The following LMNTD1 variants were observed in gnomAD, a reference collection of about 807,000 sequenced individuals.
LMNTD1 encodes lamin tail domain-containing protein 1.
Under a neutral mutation model 50.9 loss-of-function variants are expected in LMNTD1, and 35 were observed. The observed-to-expected ratio is 0.69, with a 90% CI of 0.53 to 0.91. The LOEUF (loss-of-function observed/expected upper bound fraction) is 0.91. LMNTD1 is among the 40% of genes least tolerant of loss of function. The pLI is 0.00. For synonymous variants in LMNTD1, 153 were observed against 161.9 expected (o/e 0.94, Z 0.42); for missense variants, 470 against 475.5 (o/e 0.99, Z 0.11).
intron 1 of LMNTD1, among the ~76,000 whole-genome samples, chr12:25,592,005 C>G (rs1314216336): frequency 1.3e-5 from 2 of 152,146 alleles, no homozygotes; most frequent in African/African-American, 4.8e-5. Context: ...GTGGTGCCTT[C>G]TAAAGCAGAT....
intron 1 of LMNTD1, among the ~76,000 whole-genome samples, chr12:25,616,307 G>T (rs1261971454): frequency 6.6e-6 from 1 of 152,042 alleles, no homozygotes; most frequent in Non-Finnish European, 1.5e-5. Flanking sequence ...GCTAAGCTTT[G>T]TATCATTTAA....
At chr12:25,619,486 G>C (rs1946428678) in intron 1 of LMNTD1, among the ~76,000 whole-genome samples, 1 of 152,102 alleles carries the variant, frequency 6.6e-6, no homozygotes, top group Non-Finnish European at 1.5e-5. Context: ...TTTGCCTTTT[G>C]TAATCAGTTC....
intron 1 of LMNTD1, among the ~76,000 whole-genome samples, chr12:25,589,359 T>G (rs1232018729): frequency 6.6e-6 from 1 of 152,180 alleles, no homozygotes; most frequent in Non-Finnish European, 1.5e-5. Context: ...CACACATATA[T>G]GCACGTTAGG....
chr12:25,535,680 G>A (rs532596143), intron 4 of LMNTD1, among the ~76,000 whole-genome samples: 1 of 151,802 alleles, frequency 6.6e-6, no homozygotes, highest in African/African-American at 2.4e-5. Context: ...GAAAAACTGG[G>A]ACAAAGAAAA....
intron 1 of LMNTD1, among the ~76,000 whole-genome samples, chr12:25,612,700 A>G (rs1166771108): frequency 6.6e-6 from 1 of 151,800 alleles, no homozygotes; most frequent in East Asian, 1.9e-4. Context: ...AGCTGGAATG[A>G]CTTTATATAT....
At chr12:25,575,311 G>A (rs1783075648) in intron 1 of LMNTD1, among the ~76,000 whole-genome samples, 1 of 152,156 alleles carries the variant, frequency 6.6e-6, no homozygotes, top group Non-Finnish European at 1.5e-5. Flanking sequence ...ACATCAGCAT[G>A]AGGTCTGAAT....
At chr12:25,488,385 A>T (rs1486879056) in intron 9 of LMNTD1, among the ~76,000 whole-genome samples, 1 of 121,264 alleles carries the variant, frequency 8.2e-6, no homozygotes, top group African/African-American at 3.2e-5. Context: ...CATTCATTTC[A>T]TCTTCCATTG....
rs1052569079 is a variant in LMNTD1, at chr12:25,586,226, G to A, written c.59-39672C>T. On this transcript the variant is annotated intron_variant, in intron 1 of 7. Transcript: ENST00000445693. Reference sequence around the variant, plus strand: ...TTTCCCCTTCCGTTTGTTTTATGTTGAAAATTCCCCATGATGATACCTCTA... The same window carrying A: ...TTTCCCCTTCCGTTTGTTTTATGTTAAAAATTCCCCATGATGATACCTCTA... The A allele has an allele frequency of 8.7e-5, 13 of 149,918 alleles. 1 individual carries two copies. Among genetic ancestry groups the A allele is most frequent in the South Asian group, 4.2e-4 (2 of 4,730 alleles). The allele number at this position is 149,918 out of a possible 1,614,324, so 9.3% of individuals were successfully genotyped here.
At chr12:25,561,110 T>G (rs535530450) in intron 1 of LMNTD1, among the ~76,000 whole-genome samples, 44 of 152,304 alleles carry the variant, frequency 2.9e-4, no homozygotes, top group Middle Eastern at 3.4e-3. Flanking sequence ...GATTCATTGA[T>G]TTTTTGAAGG....
intron 9 of LMNTD1, among the ~76,000 whole-genome samples, chr12:25,477,682 G>A (rs982960644): frequency 6.6e-6 from 1 of 152,048 alleles, no homozygotes; most frequent in Non-Finnish European, 1.5e-5. Flanking sequence ...TTCCTGAAGG[G>A]CCTGGGTGAT....
At chr12:25,630,074 G>T (rs927816959) in intron 1 of LMNTD1, among the ~76,000 whole-genome samples, 3 of 152,082 alleles carry the variant, frequency 2.0e-5, no homozygotes, top group Non-Finnish European at 2.9e-5. Context: ...TGCCACTTTT[G>T]GGGGGAGGAG....
intron 9 of LMNTD1, among the ~76,000 whole-genome samples, chr12:25,481,281 T>A (rs1938435424): frequency 6.6e-6 from 1 of 152,026 alleles, no homozygotes; most frequent in South Asian, 2.1e-4. Context: ...CAACATGCTA[T>A]CTTAAAGTAT....
At chr12:25,509,373 G>A (rs767490781) in intron 8 of LMNTD1, among the ~76,000 whole-genome samples, 2 of 152,184 alleles carry the variant, frequency 1.3e-5, no homozygotes, top group African/African-American at 2.4e-5. Flanking sequence ...CTCCCAAAGT[G>A]CTGGGATTAC....
chr12:25,607,972 T>C (rs935636669), intron 1 of LMNTD1, among the ~76,000 whole-genome samples: 3 of 152,164 alleles, frequency 2.0e-5, no homozygotes, highest in African/African-American at 7.2e-5. Context: ...GGAGTCTAAG[T>C]CTCTTTGTAG....
At chr12:25,493,390 T>C (rs761291813) in intron 9 of LMNTD1, among the ~76,000 whole-genome samples, 6 of 152,184 alleles carry the variant, frequency 3.9e-5, no homozygotes, top group Admixed American at 6.5e-5. Context: ...GGGAAAGATG[T>C]TGAGGGGTCC....
chr12:25,480,902 A>G (rs1938423787), intron 9 of LMNTD1, among the ~76,000 whole-genome samples: 1 of 152,184 alleles, frequency 6.6e-6, no homozygotes. Context: ...TTGCTGTCCA[A>G]ATAACTGAGG....
chr12:25,513,218 G>T (rs1940442965), intron 8 of LMNTD1, among the ~76,000 whole-genome samples: 1 of 152,130 alleles, frequency 6.6e-6, no homozygotes, highest in African/African-American at 2.4e-5. Context: ...ATATGAATAA[G>T]ACAAAGTTGG....
At chr12:25,567,721 T>G (rs1944612795) in intron 1 of LMNTD1, among the ~76,000 whole-genome samples, 1 of 152,160 alleles carries the variant, frequency 6.6e-6, no homozygotes. Context: ...CTGTGTGACA[T>G]GCTGACTCTG....
At chr12:25,592,993 C>G (rs1945743124) in intron 1 of LMNTD1, 1 of 152,148 alleles carries the variant, frequency 6.6e-6, no homozygotes, top group South Asian at 2.1e-4. Flanking sequence ...TAAAGGCAGT[C>G]ATAATCCGCC....
Sources: allele counts gnomAD v4.1 joint callset (sites outside exome capture counted in the v4.1 genomes callset), GRCh38; gene constraint gnomAD v4.1.1; transcripts MANE v1.5; gene names NCBI Gene and HGNC (gene_info 2026-07-23, HGNC 2026-07-21).